Variants in PGD observed in about 807,000 individuals in gnomAD.
PGD encodes 6-phosphogluconate dehydrogenase, decarboxylating.
In PGD, 21 loss-of-function variants were observed where a neutral mutation model predicts 60.4. The ratio of observed to expected loss-of-function variants is 0.35; its 90% CI spans 0.25 to 0.50. The LOEUF is 0.50. Among genes scored for constraint, PGD ranks in the 20% least tolerant of loss-of-function variants. PGD has a pLI of 0.98. For synonymous variants in PGD, 230 were observed against 235.9 expected (o/e 0.97, Z 0.23); for missense variants, 477 against 613.1 (o/e 0.78, Z 2.34).
chr1:10,399,201 T>C (rs1175697987), intron 1 of PGD, 76 bp downstream of exon 1: 24 of 1,540,742 alleles, frequency 1.6e-5, no homozygotes, highest in Non-Finnish European at 1.4e-5. Context: ...ATCTCCCTCG[T>C]TCTCTCCGAC....
At position 10,400,551 on chromosome 1, in the gene PGD, G is replaced by T; in HGVS notation, c.243G>T (p.Val81=). 6.2e-7 allele frequency: 1 copy of T among 1,613,502 alleles called. No individual in the cohort carries two copies. The highest frequency in any genetic ancestry group is 8.5e-7 in the Non-Finnish European group (1 of 1,179,774). ...IILLVKAGQA[V]DDFIEKLVPL... The stretch of plus-strand genomic sequence containing the variant: ...TCCTGGTGAAGGCTGGGCAAGCTGT[G>T]GATGATTTCATCGAGAAATTGGTGA... Residue 81 remains valine, a synonymous_variant, in exon 3 of 13, where the codon GTG becomes GTT. Coordinates refer to ENST00000270776, the MANE Select transcript of PGD (RefSeq NM_002631.4).
At chr1:10,404,790 A>T (rs1043854985) in intron 5 of PGD, among the ~76,000 whole-genome samples, 10 of 152,124 alleles carry the variant, frequency 6.6e-5, no homozygotes, top group Non-Finnish European at 1.2e-4. Context: ...ATGAACCACC[A>T]CACTTGGCCT....
chr1:10,407,255 C>T (rs893489950), intron 5 of PGD, among the ~76,000 whole-genome samples: 2 of 152,136 alleles, frequency 1.3e-5, no homozygotes, highest in African/African-American at 4.8e-5. Flanking sequence ...CAACACCAGC[C>T]TGGGCAACAT....
intron 8 of PGD, among the ~76,000 whole-genome samples, chr1:10,415,555 C>A (rs1453895099): frequency 2.0e-5 from 3 of 152,224 alleles, no homozygotes; most frequent in Non-Finnish European, 4.4e-5. Context: ...GGGTTTGCCT[C>A]ATAGCCTGTT....
At chr1:10,400,102 G>T in intron 2 of PGD, 1 of 474,484 alleles carries the variant, frequency 2.1e-6, no homozygotes, top group East Asian at 3.5e-5. Flanking sequence ...AACAGATAGA[G>T]CCTGTTGAAC....
At chr1:10,400,629 C>A (rs983377042) in intron 3 of PGD, 57 bp downstream of exon 3, 7 of 1,363,276 alleles carry the variant, frequency 5.1e-6, no homozygotes, top group Non-Finnish European at 7.1e-6. Context: ...TTGGTTTCTT[C>A]CTTTAGTTCT....
Position 10,418,914 on chromosome 1 carries a change from GA to G in PGD, c.1202del (p.Asn401ThrfsTer119). 1 of 1,601,652 alleles carries G rather than the reference GA, an allele frequency of 6.2e-7. No individual in the cohort carries two copies. Among genetic ancestry groups the G allele is most frequent in the Non-Finnish European group, 8.6e-7 (1 of 1,168,742 alleles). On this transcript the variant is annotated frameshift_variant, in exon 11 of 13. Coordinates refer to ENST00000270776, the MANE Select transcript of PGD (RefSeq NM_002631.4). LOFTEE classifies it high-confidence loss of function. ...LLDDFFKSAV[E>X]NCQDSWRRAV... ...GGACGACTTCTTTAAGTCAGCTGTTGAAAACTGCCAGGTATGTAGCCTAGGG... is the reference window on the plus strand; with the variant it reads ...GGACGACTTCTTTAAGTCAGCTGTTGAAACTGCCAGGTATGTAGCCTAGGG...
intron 8 of PGD, among the ~76,000 whole-genome samples, chr1:10,416,711 G>T (rs1335123195): frequency 1.3e-5 from 2 of 152,170 alleles, no homozygotes; most frequent in African/African-American, 4.8e-5. Context: ...TACGGGCAGG[G>T]CCGAGGGGTC....
At chr1:10,410,390 C>A (rs1202145700) in intron 6 of PGD, among the ~76,000 whole-genome samples, 2 of 151,662 alleles carry the variant, frequency 1.3e-5, no homozygotes, top group Admixed American at 1.3e-4. Flanking sequence ...TGTGCTGAGC[C>A]AAGATCACAC....
chr1:10,409,895 A>G (rs1208264141), intron 6 of PGD, among the ~76,000 whole-genome samples: 8 of 152,000 alleles, frequency 5.3e-5, no homozygotes, highest in African/African-American at 1.4e-4. Flanking sequence ...ACTTCAAGTA[A>G]TCGGCCCACC....
intron 10 of PGD, 30 bp downstream of exon 10, chr1:10,417,539 G>C: frequency 1.3e-6 from 2 of 1,589,430 alleles, no homozygotes; most frequent in South Asian, 1.1e-5. Context: ...GGGTCCGACG[G>C]GAAGGACTCA....
At chr1:10,407,563 G>A (rs1320407159) in intron 5 of PGD, among the ~76,000 whole-genome samples, 1 of 152,196 alleles carries the variant, frequency 6.6e-6, no homozygotes, top group Non-Finnish European at 1.5e-5. Flanking sequence ...TGGAGGAGGG[G>A]CCAGTTTCAG....
intron 11 of PGD, 28 bp from the exon 12 acceptor site, chr1:10,419,389 A>G: frequency 1.2e-6 from 2 of 1,604,590 alleles, no homozygotes; most frequent in Non-Finnish European, 1.7e-6. Flanking sequence ...GCAGATCACT[A>G]ATCTCTGGCC....
chr1:10,415,243 C>CA (rs1466115579), intron 8 of PGD: 1 of 152,170 alleles, frequency 6.6e-6, no homozygotes, highest in Non-Finnish European at 1.5e-5. Context: ...TGGTGTAAGG[C>CA]AGAGTAAGGA....
intron 8 of PGD, among the ~76,000 whole-genome samples, chr1:10,416,564 G>A (rs1035701283): frequency 2.0e-5 from 3 of 152,192 alleles, no homozygotes; most frequent in African/African-American, 7.2e-5. Flanking sequence ...CAGGCTTTGT[G>A]TGAGCAATAA....
chr1:10,405,413 C>G (rs1439865355), intron 5 of PGD, among the ~76,000 whole-genome samples: 1 of 149,386 alleles, frequency 6.7e-6, no homozygotes, highest in Non-Finnish European at 1.5e-5. Context: ...CACACACACA[C>G]ACACACACAC....
intron 4 of PGD, among the ~76,000 whole-genome samples, chr1:10,403,590 G>GAACAAA (rs1639351966): frequency 1.5e-5 from 1 of 67,146 alleles, no homozygotes; most frequent in Non-Finnish European, 2.7e-5. Context: ...AACTCCATCT[G>GAACAAA]AAAAAAAAAA....
chr1:10,411,966 T>C (rs1361435423), intron 7 of PGD, among the ~76,000 whole-genome samples: 1 of 152,214 alleles, frequency 6.6e-6, no homozygotes. Context: ...CATTTTATTA[T>C]GACAATATTC....
Position 10,400,637 on chromosome 1 carries a change from TCTC to T in PGD, c.264+68_264+70del, listed in dbSNP as rs1639300257. On this transcript the variant is annotated intron_variant, in intron 3 of 12. Coordinates refer to ENST00000270776, the MANE Select transcript of PGD (RefSeq NM_002631.4). The stretch of plus-strand genomic sequence containing the variant: ...GCTGTTTTTGGTTTCTTCCTTTAGT[TCTC>T]CTTCTTTTAACTCTAGAGATTTTTT... The T allele has an allele frequency of 6.2e-6, 8 of 1,298,888 alleles. No homozygotes were observed. The South Asian group carries it at 9.6e-5, about 16-fold the overall frequency. 80.5% of individuals were successfully genotyped at this position (1,298,888 alleles called of 1,614,324 possible).
Sources: allele counts gnomAD v4.1 joint callset (sites outside exome capture counted in the v4.1 genomes callset), GRCh38; gene constraint gnomAD v4.1.1; transcripts MANE v1.5; gene names NCBI Gene and HGNC (gene_info 2026-07-23, HGNC 2026-07-21).